ADGRL2: variants seen among roughly 807,000 people sequenced by gnomAD.
ADGRL2 encodes the protein adhesion G protein-coupled receptor L2, also known as calcium-independent alpha-latrotoxin receptor 2.
A neutral mutation model predicts 157.4 loss-of-function variants in ADGRL2; 44 were observed. The ratio of observed to expected loss-of-function variants is 0.28; its 90% CI spans 0.22 to 0.36. The LOEUF (loss-of-function observed/expected upper bound fraction) is 0.36, where lower values mean the gene tolerates loss of function less well. Among genes scored for constraint, ADGRL2 ranks in the 10% least tolerant of loss-of-function variants. The pLI is 1.00. For synonymous variants in ADGRL2, 585 were observed against 624.7 expected, an observed-to-expected ratio of 0.94 and a Z score of 0.95; for missense variants, 1,510 against 1,768.9, an observed-to-expected ratio of 0.85 and a Z score of 2.63.
intron 1 of ADGRL2, among the ~76,000 whole-genome samples, chr1:81,403,364 A>C (rs2076794748): frequency 6.6e-6 from 1 of 152,040 alleles, no homozygotes; most frequent in South Asian, 2.1e-4. Context: ...TCTCGGGCTC[A>C]AGAGATTCTC....
At chr1:81,349,604 G>T (rs1334914518) in intron 1 of ADGRL2, among the ~76,000 whole-genome samples, 10 of 116,936 alleles carry the variant, frequency 8.6e-5, no homozygotes, top group African/African-American at 3.5e-4. Flanking sequence ...GTCAAAGATA[G>T]AGATGATAAA....
At chr1:81,441,333 C>T (rs1570976168) in intron 1 of ADGRL2, among the ~76,000 whole-genome samples, 1 of 152,114 alleles carries the variant, frequency 6.6e-6, no homozygotes, top group Non-Finnish European at 1.5e-5. Flanking sequence ...AGTGCATACA[C>T]TTCATCTACC....
intron 3 of ADGRL2, among the ~76,000 whole-genome samples, chr1:81,610,557 A>T (rs1282888544): frequency 6.6e-6 from 1 of 152,186 alleles, no homozygotes; most frequent in African/African-American, 2.4e-5. Flanking sequence ...TGTAATGGGA[A>T]TTTATTGCAG....
intron 1 of ADGRL2, among the ~76,000 whole-genome samples, chr1:81,801,691 C>T (rs1278329617): frequency 6.6e-6 from 1 of 152,166 alleles, no homozygotes; most frequent in African/African-American, 2.4e-5. Flanking sequence ...CGCCCCAGGC[C>T]GCAGGGTCGG....
intron 1 of ADGRL2, among the ~76,000 whole-genome samples, chr1:81,802,216 G>T (rs972009328): frequency 1.3e-5 from 2 of 152,008 alleles, no homozygotes; most frequent in African/African-American, 2.4e-5. Flanking sequence ...CTCGGGGCGC[G>T]CTCGCAGACG....
At chr1:81,981,297 T>C (rs572522453) in intron 18 of ADGRL2, 1 of 187,260 alleles carries the variant, frequency 5.3e-6, no homozygotes, top group African/African-American at 2.4e-5. Flanking sequence ...TGTTTTTGTC[T>C]CATTTCAGCT....
intron 2 of ADGRL2, among the ~76,000 whole-genome samples, chr1:81,790,384 A>C (rs959103541): frequency 2.5e-4 from 38 of 152,198 alleles, no homozygotes; most frequent in Admixed American, 1.8e-3. Context: ...CACACACACA[A>C]ACATTGTTAT....
intron 11 of ADGRL2, 127 bp downstream of exon 11, chr1:81,956,187 G>C (rs60593183): frequency 0.02 from 13,063 of 653,858 alleles, 696 homozygotes; most frequent in African/African-American, 0.15. Flanking sequence ...ATTTTTGTCT[G>C]TTACCAAGAG....
At chr1:81,890,402 T>A (rs757608904) in intron 2 of ADGRL2, among the ~76,000 whole-genome samples, 1 of 152,202 alleles carries the variant, frequency 6.6e-6, no homozygotes, top group Non-Finnish European at 1.5e-5. Context: ...TACCATTTGT[T>A]TCTTTTATAG....
intron 2 of ADGRL2, among the ~76,000 whole-genome samples, chr1:81,839,655 T>A (rs1359254279): frequency 1.3e-5 from 2 of 151,646 alleles, no homozygotes; most frequent in South Asian, 2.1e-4. Context: ...CCTGAGTTAC[T>A]TCACTTAGAA....
intron 3 of ADGRL2, among the ~76,000 whole-genome samples, chr1:81,656,806 T>C (rs1310510345): frequency 2.0e-5 from 3 of 151,880 alleles, no homozygotes; most frequent in Non-Finnish European, 4.4e-5. Context: ...GCCCAGGAGT[T>C]TGAAAACAGC....
intron 1 of ADGRL2, chr1:81,427,417 T>C: frequency 1.3e-6 from 1 of 748,096 alleles, no homozygotes; most frequent in Non-Finnish European, 2.5e-6. Context: ...GATATGATGG[T>C]TGCAATGGAG....
At chr1:81,659,923 A>G (rs2082618045) in intron 3 of ADGRL2, among the ~76,000 whole-genome samples, 1 of 152,346 alleles carries the variant, frequency 6.6e-6, no homozygotes, top group African/African-American at 2.4e-5. Context: ...TTGTGTGTGC[A>G]AAAGCACATT....
rs534150565 is a variant in ADGRL2 at position 81,545,657 on chromosome 1, C to T, written c.-247-35219C>T. 1.3e-3 allele frequency among the ~76,000 whole-genome samples: 192 copies of T among 152,240 alleles called. 1 individual carries two copies. The highest frequency in any genetic ancestry group is 2.0e-3 in the Admixed American group (31 of 15,296). On this transcript the variant is annotated intron_variant, in intron 2 of 24. Transcript: ENST00000370721. ...CATAAATTATTTAAATTCCAATAGG[C>T]TTATGGGGAGCTTCAGTTGTTATCC...
At chr1:81,620,864 C>T (rs546219840) in intron 3 of ADGRL2, among the ~76,000 whole-genome samples, 1 of 152,276 alleles carries the variant, frequency 6.6e-6, no homozygotes, top group East Asian at 1.9e-4. Flanking sequence ...GACAAGGCCT[C>T]CGATGAACAC....
At chr1:81,495,711 A>G (rs1290596042) in intron 2 of ADGRL2, among the ~76,000 whole-genome samples, 1 of 152,224 alleles carries the variant, frequency 6.6e-6, no homozygotes, top group African/African-American at 2.4e-5. Flanking sequence ...ATTTCAACTC[A>G]GGTAACTAGG....
intron 1 of ADGRL2, among the ~76,000 whole-genome samples, chr1:81,332,067 A>T (rs1433814755): frequency 6.6e-6 from 1 of 152,182 alleles, no homozygotes; most frequent in African/African-American, 2.4e-5. Flanking sequence ...TTTGTATGTG[A>T]CAAATGGATT....
chr1:81,639,527 G>A (rs2082176590), intron 3 of ADGRL2, among the ~76,000 whole-genome samples: 1 of 106,912 alleles, frequency 9.4e-6, no homozygotes, highest in African/African-American at 3.8e-5. Flanking sequence ...AATGTAGTGA[G>A]ACTCCATCTC....
At chr1:81,639,427 G>A (rs2082174486) in intron 3 of ADGRL2, among the ~76,000 whole-genome samples, 1 of 150,646 alleles carries the variant, frequency 6.6e-6, no homozygotes, top group Admixed American at 6.7e-5. Flanking sequence ...ATGTAGGCTG[G>A]ACACAGTGGC....
Sources: gnomAD v4.1 joint callset for allele counts (sites outside exome capture counted in the v4.1 genomes callset) on GRCh38, gnomAD v4.1.1 for gene constraint, MANE v1.5 for transcripts, NCBI Gene and HGNC (gene_info 2026-07-23, HGNC 2026-07-21) for gene names.